Variants in ANTXR2 observed in about 807,000 individuals in gnomAD.
ANTXR2 encodes anthrax toxin receptor 2.
In ANTXR2, 44 loss-of-function variants were observed where a neutral mutation model predicts 73.7. That is an observed-to-expected ratio of 0.60 (90% CI 0.47 to 0.77). The LOEUF (loss-of-function observed/expected upper bound fraction) is 0.77. ANTXR2 is among the 30% of genes least tolerant of loss of function. The pLI is 0.00. For missense variants in ANTXR2, 604 were observed against 592.5 expected (o/e 1.02, Z -0.20); for synonymous variants, 217 against 205.9 (o/e 1.05, Z -0.46).
chr4:79,919,858 ACATATTT>A (rs1213933047), intron 16 of ANTXR2, among the ~76,000 whole-genome samples: 2 of 59,704 alleles, frequency 3.3e-5, no homozygotes, highest in East Asian at 9.6e-4. Flanking sequence ...GAATCCTAAT[ACATATTT>A]TATATATATA....
rs140193095 is a variant in ANTXR2 at position 79,996,358 on chromosome 4, A to G, written c.1042-11495T>C. 8.6e-3 allele frequency among the ~76,000 whole-genome samples: 685 copies of G among 79,352 alleles called. 7 individuals carry two copies. Among genetic ancestry groups the G allele is most frequent in the African/African-American group, 0.02 (649 of 32,432 alleles). The allele number at this position is 79,352 out of a possible 152,430, so 52.1% of individuals were successfully genotyped here. On this transcript the variant is annotated intron_variant, in intron 12 of 16. Coordinates refer to ENST00000403729, the MANE Select transcript of ANTXR2 (RefSeq NM_058172.6). ...GGATGGATGGATGGATGGATGGATG[A>G]ATGAATGAATTGACAAATAGATGAT...
chr4:79,926,998 T>C (rs887340756), intron 16 of ANTXR2, among the ~76,000 whole-genome samples: 4 of 151,444 alleles, frequency 2.6e-5, no homozygotes, highest in African/African-American at 9.7e-5. Flanking sequence ...TATGTGTATA[T>C]ATACACGTGT....
At chr4:80,003,160 G>A (rs1015520478) in intron 12 of ANTXR2, among the ~76,000 whole-genome samples, 5 of 151,942 alleles carry the variant, frequency 3.3e-5, no homozygotes, top group South Asian at 2.1e-4. Flanking sequence ...TGGAACCAAC[G>A]CAAATGTCCA....
At position 80,055,695 on chromosome 4, in the gene ANTXR2, C is replaced by T. The variant is rs547223908; in HGVS notation, c.379-228G>A. 3.9e-5 allele frequency among the ~76,000 whole-genome samples: 6 copies of T among 151,986 alleles called. No homozygotes were observed. The East Asian group carries it at 9.7e-4, about 25-fold the overall frequency. On this transcript the variant is annotated intron_variant, in intron 4 of 16. Transcript: ENST00000403729. ...AGATTTTTAGCTGTGGCTGCTTAAT[C>T]TTAATATAACCACAAGGGAAATGGA...
chr4:79,986,630 C>G (rs957190845), intron 12 of ANTXR2, among the ~76,000 whole-genome samples: 9 of 152,158 alleles, frequency 5.9e-5, no homozygotes, highest in African/African-American at 2.2e-4. Flanking sequence ...TTTCATTTGT[C>G]TGCACCTCAC....
intron 16 of ANTXR2, among the ~76,000 whole-genome samples, chr4:79,958,618 C>T (rs1729025554): frequency 6.6e-6 from 1 of 152,108 alleles, no homozygotes; most frequent in Non-Finnish European, 1.5e-5. Context: ...TTATCTGCTG[C>T]TTTTTGTATC....
At chr4:80,049,406 T>G (rs757655482) in intron 7 of ANTXR2, among the ~76,000 whole-genome samples, 21 of 151,778 alleles carry the variant, frequency 1.4e-4, no homozygotes, top group Non-Finnish European at 2.7e-4. Flanking sequence ...CAAAAATAAT[T>G]TAACATTCCA....
chr4:80,073,128 CGTCCCCTTT>C lies in ANTXR2; in HGVS notation c.-577_-569del, dbSNP rs1432989276. 2.6e-5 allele frequency: 4 copies of C among 152,674 alleles called. No individual in the cohort carries two copies. The highest frequency in any genetic ancestry group is 5.8e-5 in the Non-Finnish European group (4 of 68,436). 9.5% of individuals were successfully genotyped at this position (152,674 alleles called of 1,614,324 possible). On this transcript the variant is annotated 5_prime_UTR_variant, in exon 1 of 17. Coordinates refer to ENST00000403729, the MANE Select transcript of ANTXR2 (RefSeq NM_058172.6). The stretch of plus-strand genomic sequence containing the variant: ...GGACTCTGGCACTGCGCTGACAGGC[CGTCCCCTTT>C]AGGGGAGGAGGCTAGCTGGCCCTGG...
intron 11 of ANTXR2, among the ~76,000 whole-genome samples, chr4:80,016,958 C>T (rs1414131109): frequency 6.6e-6 from 1 of 152,270 alleles, no homozygotes; most frequent in Admixed American, 6.5e-5. Flanking sequence ...TCCTGCATTA[C>T]TGCAATAGCC....
At chr4:80,047,344 G>A (rs1474566361) in intron 7 of ANTXR2, among the ~76,000 whole-genome samples, 1 of 151,684 alleles carries the variant, frequency 6.6e-6, no homozygotes, top group Non-Finnish European at 1.5e-5. Context: ...ATTATCAAGT[G>A]GGATTTCGGA....
At chr4:80,016,197 T>C (rs962267787) in intron 11 of ANTXR2, among the ~76,000 whole-genome samples, 1 of 152,208 alleles carries the variant, frequency 6.6e-6, no homozygotes, top group Non-Finnish European at 1.5e-5. Flanking sequence ...TCACAGCCTG[T>C]AGGATGAACT....
At chr4:80,007,263 G>T (rs934264414) in intron 12 of ANTXR2, among the ~76,000 whole-genome samples, 24 of 152,256 alleles carry the variant, frequency 1.6e-4, no homozygotes, top group African/African-American at 5.5e-4. Context: ...GCGGGAAAAG[G>T]CAGTCTTGCA....
intron 4 of ANTXR2, 48 bp from the exon 5 acceptor site, chr4:80,055,515 T>C (rs966575788): frequency 2.1e-6 from 3 of 1,462,624 alleles, no homozygotes; most frequent in Non-Finnish European, 2.8e-6. Context: ...TTTTAACTTT[T>C]AACCAGCATG....
In ANTXR2 at chr4:80,034,368, C is replaced by T. The variant is rs144677734; in HGVS notation, c.698-798G>A. Among the ~76,000 whole-genome samples the T allele has an allele frequency of 4.4e-3, 677 of 152,170 alleles. 8 individuals are homozygous for T. The highest frequency in any genetic ancestry group is 0.015 in the African/African-American group (642 of 41,520). ...CGCTTATTTAAAAGGTAAATTGAAGCACAAATAAAATTTTAAATAGTTTAT... is the reference window on the plus strand; with the variant it reads ...CGCTTATTTAAAAGGTAAATTGAAGTACAAATAAAATTTTAAATAGTTTAT... On this transcript the variant is annotated intron_variant, in intron 8 of 16. Coordinates refer to ENST00000403729, the MANE Select transcript of ANTXR2 (RefSeq NM_058172.6).
chr4:80,052,354 T>C (rs1733809596), intron 7 of ANTXR2, among the ~76,000 whole-genome samples: 1 of 151,718 alleles, frequency 6.6e-6, no homozygotes, highest in Non-Finnish European at 1.5e-5. Context: ...TTGTATACTA[T>C]GAGGGATGGA....
chr4:80,046,830 T>C (rs1455904912), intron 7 of ANTXR2, among the ~76,000 whole-genome samples: 1 of 151,786 alleles, frequency 6.6e-6, no homozygotes, highest in Non-Finnish European at 1.5e-5. Flanking sequence ...CACAGCCCAG[T>C]ACCCAACAAA....
In ANTXR2 at chr4:79,903,472, T is replaced by C. The variant is rs1192144235; in HGVS notation, c.*3957A>G. 6.6e-6 allele frequency: 1 copy of C among 152,152 alleles called. No individual in the cohort carries two copies. The allele number at this position is 152,152 out of a possible 1,614,324, so 9.4% of individuals were successfully genotyped here. A position where few individuals can be genotyped will look rare whatever the true frequency, so the allele number is the denominator to read the frequency against. ...ACATGTTGTACTGTGTACTTACTTA[T>C]CAGCCTTTTCTTTTGGCAGGAGAGC... On this transcript the variant is annotated 3_prime_UTR_variant, in exon 17 of 17. Coordinates refer to ENST00000403729, the MANE Select transcript of ANTXR2 (RefSeq NM_058172.6).
chr4:80,055,026 T>C (rs1256632863), intron 6 of ANTXR2, 124 bp downstream of exon 6: 3 of 861,778 alleles, frequency 3.5e-6, no homozygotes, highest in Admixed American at 2.8e-5. Context: ...CCTACAGCCA[T>C]TTCTATAAAA....
chr4:80,054,392 A>G (rs1254488329), intron 6 of ANTXR2, 40 bp from the exon 7 acceptor site: 2 of 1,352,544 alleles, frequency 1.5e-6, no homozygotes, highest in Non-Finnish European at 2.1e-6. Flanking sequence ...GGAGTGGCTG[A>G]CACATACAAC....
Sources: gnomAD v4.1 joint callset for allele counts (sites outside exome capture counted in the v4.1 genomes callset) on GRCh38, gnomAD v4.1.1 for gene constraint, MANE v1.5 for transcripts, NCBI Gene and HGNC (gene_info 2026-07-23, HGNC 2026-07-21) for gene names.